Variants in PBLD observed in about 807,000 individuals in gnomAD.
PBLD encodes the protein phenazine biosynthesis-like domain-containing protein.
Under a neutral mutation model 31.3 loss-of-function variants are expected in PBLD, and 26 were observed. The observed-to-expected ratio is 0.83, with a 90% CI of 0.61 to 1.15. PBLD has a LOEUF of 1.15. Ranked by LOEUF, PBLD falls within the 50% of genes most tolerant of loss-of-function variation. PBLD has a pLI of 0.00. For missense variants in PBLD, 307 were observed against 351.7 expected, an observed-to-expected ratio of 0.87 and a Z score of 1.02; for synonymous variants, 114 against 129.0, an observed-to-expected ratio of 0.88 and a Z score of 0.79.
At chr10:68,312,758 C>T (rs1299823969) in intron 1 of PBLD, among the ~76,000 whole-genome samples, 9 of 414 alleles carry the variant, frequency 0.022, no homozygotes, top group East Asian at 0.2. Flanking sequence ...TACAGGCGCC[C>T]GCCACCATGG....
intron 1 of PBLD, among the ~76,000 whole-genome samples, chr10:68,313,777 C>G (rs1454354630): frequency 6.6e-6 from 1 of 152,068 alleles, no homozygotes; most frequent in Non-Finnish European, 1.5e-5. Context: ...AATAAGAAAA[C>G]ATAGTTCAGT....
intron 1 of PBLD, among the ~76,000 whole-genome samples, chr10:68,324,604 C>CTTTA (rs201038659): frequency 0.17 from 25,871 of 148,552 alleles, 2,695 homozygotes; most frequent in South Asian, 0.35. Flanking sequence ...ACCCTCCACA[C>CTTTA]TTTATTTATT....
intron 8 of PBLD, chr10:68,286,986 T>C (rs1237788639): frequency 6.6e-6 from 1 of 151,652 alleles, no homozygotes; most frequent in African/African-American, 2.4e-5. Flanking sequence ...AAAATTAGCC[T>C]GGCATGGTGG....
At position 68,284,177 on chromosome 10, in the gene PBLD, C is replaced by G; in HGVS notation, c.867G>C (p.Ter289TyrextTer18). 6.2e-7 allele frequency: 1 copy of G among 1,612,220 alleles called. No homozygotes were observed. Among genetic ancestry groups the G allele is most frequent in the Non-Finnish European group, 8.5e-7 (1 of 1,178,310 alleles). ...CAGCAGCGTCACAGCATAACCACCT[C>G]TAGGCTGTCAGTGTGCCCTCTAAAA... The part of the protein sequence containing the change: ...AVVLEGTLTA[*>Y] Residue 289 changes from the stop codon to tyrosine, a stop_lost, in exon 10 of 10, where the codon TAG becomes TAC. Transcript: ENST00000358769.
At chr10:68,307,150 C>T (rs1350252057) in intron 1 of PBLD, among the ~76,000 whole-genome samples, 1 of 152,008 alleles carries the variant, frequency 6.6e-6, no homozygotes, top group Non-Finnish European at 1.5e-5. Flanking sequence ...CTGCCTCAGC[C>T]TCTTGAGTAG....
chr10:68,285,234 C>A, intron 9 of PBLD, 114 bp downstream of exon 9: 1 of 1,571,192 alleles, frequency 6.4e-7, no homozygotes, highest in Admixed American at 1.9e-5. Flanking sequence ...CTTTCATTTT[C>A]ACATGGGTGA....
intron 4 of PBLD, among the ~76,000 whole-genome samples, chr10:68,294,447 C>G (rs1448318777): frequency 6.6e-6 from 1 of 152,220 alleles, no homozygotes; most frequent in Non-Finnish European, 1.5e-5. Flanking sequence ...CTGGCCCTGA[C>G]CCTGCTTGCC....
rs1415242430 is a variant in PBLD at position 68,292,237 on chromosome 10, T to C, written c.285A>G (p.Lys95=). ...CAAACGTGAGCGTGCTATTCATGTTTTCTGGCCAAAATAGGAATCAAGAAA... is the reference window on the plus strand; with the variant it reads ...CAAACGTGAGCGTGCTATTCATGTTCTCTGGCCAAAATAGGAATCAAGAAA... ...ASAAVLFHKI[K]NMNSTLTFVT... is the part of the protein sequence containing the mutation. The change falls in exon 5 of 10, where the codon AAA becomes AAG. Residue 95 remains lysine, a splice_region_variant and synonymous_variant. Transcript: ENST00000358769. 2 of 1,611,828 alleles carry C rather than the reference T, an allele frequency of 1.2e-6. No individual in the cohort carries two copies. Among genetic ancestry groups the C allele is most frequent in the Non-Finnish European group, 1.7e-6 (2 of 1,179,172 alleles).
intron 2 of PBLD, among the ~76,000 whole-genome samples, chr10:68,306,178 A>G (rs1057471975): frequency 6.7e-6 from 1 of 150,196 alleles, no homozygotes; most frequent in Non-Finnish European, 1.5e-5. Context: ...TAACTATTCC[A>G]TTAATATTTA....
intron 1 of PBLD, chr10:68,331,908 C>A (rs969952614): frequency 6.6e-6 from 1 of 152,352 alleles, no homozygotes; most frequent in African/African-American, 2.4e-5. Flanking sequence ...TACCTCGCCC[C>A]CAACAGCTGC....
intron 2 of PBLD, among the ~76,000 whole-genome samples, chr10:68,304,974 G>A (rs572242153): frequency 1.3e-5 from 2 of 152,314 alleles, no homozygotes; most frequent in South Asian, 2.1e-4. Context: ...TCAAGTCTGC[G>A]TAATGAATGT....
chr10:68,328,309 C>T (rs1349365594), intron 1 of PBLD, among the ~76,000 whole-genome samples: 1 of 152,222 alleles, frequency 6.6e-6, no homozygotes, highest in Non-Finnish European at 1.5e-5. Flanking sequence ...CACAATGCCA[C>T]TGGGGATATG....
At chr10:68,312,400 CATT>C (rs1487414489) in intron 1 of PBLD, among the ~76,000 whole-genome samples, 2 of 152,046 alleles carry the variant, frequency 1.3e-5, no homozygotes, top group Non-Finnish European at 2.9e-5. Context: ...AGTGATATCT[CATT>C]GTGGTTTGAT....
chr10:68,288,321 G>A, intron 8 of PBLD, 162 bp downstream of exon 8: 1 of 736,700 alleles, frequency 1.4e-6, no homozygotes, highest in Non-Finnish European at 2.1e-6. Context: ...TGTTTTTCAT[G>A]GAAGACTTCA....
intron 1 of PBLD, among the ~76,000 whole-genome samples, chr10:68,324,657 C>T (rs1440590346): frequency 1.3e-5 from 2 of 151,648 alleles, no homozygotes; most frequent in Admixed American, 6.6e-5. Context: ...GTCACTCGCC[C>T]AGACTGGAGT....
rs200457084 is a variant in PBLD at position 68,292,051 on chromosome 10, G to A, written c.394-12C>T. 2.6e-5 allele frequency: 41 copies of A among 1,591,332 alleles called. No homozygotes were observed. The highest frequency in any genetic ancestry group is 3.4e-5 in the Admixed American group (2 of 58,770). On this transcript the variant is annotated splice_polypyrimidine_tract_variant and intron_variant, in intron 5 of 9. Coordinates refer to ENST00000358769, the MANE Select transcript of PBLD (RefSeq NM_022129.4). ...ACTTCATGGAAGTCCTAGATGGGGGGAAAAAAAACAAAATTATTATAAAAC... is the reference window on the plus strand; with the variant it reads ...ACTTCATGGAAGTCCTAGATGGGGGAAAAAAAAACAAAATTATTATAAAAC...
chr10:68,327,013 C>T (rs956555062), intron 1 of PBLD, among the ~76,000 whole-genome samples: 3 of 151,970 alleles, frequency 2.0e-5, no homozygotes, highest in Non-Finnish European at 1.5e-5. Flanking sequence ...CGCCACTGCA[C>T]TCCAGTCTGG....
At chr10:68,286,944 A>G (rs1199366303) in intron 8 of PBLD, 2 of 152,148 alleles carry the variant, frequency 1.3e-5, no homozygotes, top group Non-Finnish European at 2.9e-5. Context: ...CCTGGCCAAC[A>G]TGGCAAAACC....
chr10:68,314,426 G>A (rs1354840982), intron 1 of PBLD, among the ~76,000 whole-genome samples: 1 of 152,094 alleles, frequency 6.6e-6, no homozygotes, highest in Non-Finnish European at 1.5e-5. Context: ...TGCCCTAGTT[G>A]ATACTCTCTC....
Sources: gnomAD v4.1 joint callset for allele counts (sites outside exome capture counted in the v4.1 genomes callset) on GRCh38, gnomAD v4.1.1 for gene constraint, MANE v1.5 for transcripts, NCBI Gene and HGNC (gene_info 2026-07-23, HGNC 2026-07-21) for gene names.